Variants in SPTAN1 observed in about 807,000 individuals in gnomAD.
SPTAN1 encodes the protein spectrin alpha chain, non-erythrocytic 1.
Under a neutral mutation model 331.3 loss-of-function variants are expected in SPTAN1, and 61 were observed. That is an observed-to-expected ratio of 0.18 (90% CI 0.15 to 0.23). The LOEUF is 0.23. SPTAN1 is among the 10% of genes least tolerant of loss of function. The pLI, the probability that SPTAN1 is intolerant of heterozygous loss-of-function variation, is 1.00. For missense variants in SPTAN1, 2,043 were observed against 3,147.9 expected (o/e 0.65, Z 8.40); for synonymous variants, 1,153 against 1,173.9 (o/e 0.98, Z 0.36).
chr9:128,583,810 C>T lies in SPTAN1; in HGVS notation c.2034C>T (p.Asn678=), dbSNP rs2131150990. 2.5e-6 allele frequency: 4 copies of T among 1,614,172 alleles called. No individual in the cohort carries two copies. The highest frequency in any genetic ancestry group is 2.2e-5 in the South Asian group (2 of 91,082). Reference sequence around the variant, plus strand: ...TAGGAATAAAGCTTCGTGAAGCCAACCAGCAACAGCAATTTAATCGCAATG... The same window carrying T: ...TAGGAATAAAGCTTCGTGAAGCCAATCAGCAACAGCAATTTAATCGCAATG... ...ELKGIKLREA[N]QQQQFNRNVE... The change falls in exon 16 of 57, where the codon AAC becomes AAT. Residue 678 remains asparagine, a synonymous_variant. Coordinates refer to ENST00000372739, the MANE Select transcript of SPTAN1 (RefSeq NM_001130438.3).
At chr9:128,578,756 G>T (rs1851598788) in intron 9 of SPTAN1, among the ~76,000 whole-genome samples, 1 of 151,408 alleles carries the variant, frequency 6.6e-6, no homozygotes, top group Admixed American at 6.6e-5. Context: ...TTGAACCCGG[G>T]AGGCAGAGGT....
intron 31 of SPTAN1, among the ~76,000 whole-genome samples, chr9:128,605,772 A>G (rs894739792): frequency 6.6e-6 from 1 of 152,120 alleles, no homozygotes; most frequent in African/African-American, 2.4e-5. Context: ...CGGGCAGATC[A>G]CCTGAGGTCA....
chr9:128,568,927 G>A (rs369670645), intron 3 of SPTAN1, 30 bp downstream of exon 3: 2 of 1,613,264 alleles, frequency 1.2e-6, no homozygotes, highest in African/African-American at 2.7e-5. Flanking sequence ...GGAGTGGATG[G>A]CTTCATCTGG....
At chr9:128,581,668 C>T in intron 11 of SPTAN1, 114 bp from the exon 12 acceptor site, 1 of 818,296 alleles carries the variant, frequency 1.2e-6, no homozygotes. Flanking sequence ...AGTTTAGCAG[C>T]CATAAAATCT....
chr9:128,626,299 A>G, intron 48 of SPTAN1, 92 bp from the exon 49 acceptor site: 1 of 1,490,286 alleles, frequency 6.7e-7, no homozygotes, highest in Non-Finnish European at 9.3e-7. Flanking sequence ...TGCGCCTCTG[A>G]TTCCCAGGAA....
chr9:128,597,185 T>G (rs948298094), intron 24 of SPTAN1, among the ~76,000 whole-genome samples: 3 of 151,734 alleles, frequency 2.0e-5, no homozygotes, highest in Admixed American at 6.6e-5. Flanking sequence ...GAAAAAAAAT[T>G]TTTCTGTAGA....
intron 26 of SPTAN1, chr9:128,599,695 A>AC (rs1854820597): frequency 4.8e-6 from 1 of 210,164 alleles, no homozygotes; most frequent in Non-Finnish European, 9.6e-6. Context: ...TAAAAAAAAA[A>AC]AAAAAAAAAA....
At chr9:128,575,423 G>A in intron 5 of SPTAN1, 78 bp downstream of exon 5, 2 of 1,537,526 alleles carry the variant, frequency 1.3e-6, no homozygotes, top group Admixed American at 3.4e-5. Context: ...AAATTTTGAT[G>A]ATTGGTCCCC....
In SPTAN1 at chr9:128,594,306, G is replaced by A. The variant is rs775240859; in HGVS notation, c.3347G>A (p.Ser1116Asn). The change falls in exon 24 of 57, where the codon AGT becomes AAT. Residue 1116 changes from serine to asparagine, a missense_variant. By Grantham distance (46) the Ser-to-Asn change is conservative (BLOSUM62 1). This residue lies in a region of SPTAN1 where 1,038 missense variants were observed against 1,531.5 expected (regional missense o/e 0.68). Coordinates refer to ENST00000372739, the MANE Select transcript of SPTAN1 (RefSeq NM_001130438.3). ...AATGAGAAGGAAGCCGCTCTGACAA[G>A]TGAGGAGGTCGGAGCAGACTTGGAG... The part of the protein sequence containing the change: ...WINEKEAALT[S>N]EEVGADLEQV... 3.1e-6 allele frequency: 5 copies of A among 1,614,202 alleles called. No homozygotes were observed. The highest frequency in any genetic ancestry group is 4.2e-6 in the Non-Finnish European group (5 of 1,180,036).
chr9:128,585,736 C>A lies in SPTAN1; in HGVS notation c.2561-12C>A. Reference sequence around the variant, plus strand: ...TAGTTTTTGTTATCCTCTTTCCCTACCCATCTTCCAGGCCATTTTGCTGCA... The same window carrying A: ...TAGTTTTTGTTATCCTCTTTCCCTAACCATCTTCCAGGCCATTTTGCTGCA... On this transcript the variant is annotated splice_polypyrimidine_tract_variant and intron_variant, in intron 18 of 56. Transcript: ENST00000372739. 6.2e-7 allele frequency: 1 copy of A among 1,611,600 alleles called. No homozygotes were observed. Among genetic ancestry groups the A allele is most frequent in the Non-Finnish European group, 8.5e-7 (1 of 1,177,918 alleles).
chr9:128,583,742 A>T (rs1852227983), intron 15 of SPTAN1, 46 bp from the exon 16 acceptor site: 1 of 1,595,154 alleles, frequency 6.3e-7, no homozygotes, highest in Non-Finnish European at 8.6e-7. Context: ...TGTTGGCAGA[A>T]GGGTAATGCT....
chr9:128,600,077 T>C lies in SPTAN1; in HGVS notation c.3544-3T>C. The C allele has an allele frequency of 6.2e-7, 1 of 1,614,180 alleles. No individual in the cohort carries two copies. Among genetic ancestry groups the C allele is most frequent in the Non-Finnish European group, 8.5e-7 (1 of 1,180,018 alleles). ...CTGCCTAAATTCCTCTTTCTTTGAA[T>C]AGGATGAAACTGATTCCAAGACAGC... is the stretch of plus-strand genomic sequence containing the variant. On this transcript the variant is annotated splice_polypyrimidine_tract_variant and splice_region_variant and intron_variant, in intron 26 of 56. Transcript: ENST00000372739.
At chr9:128,562,826 G>A (rs1165103631) in intron 1 of SPTAN1, among the ~76,000 whole-genome samples, 4 of 151,702 alleles carry the variant, frequency 2.6e-5, no homozygotes, top group African/African-American at 4.8e-5. Context: ...TTAGCCGGGC[G>A]TGATGGCAGG....
rs57225212 is a variant in SPTAN1, at chr9:128,589,575, C to CTT, written c.3006+649_3006+650dup. Among the ~76,000 whole-genome samples, 166 of 106,468 alleles carry CTT rather than the reference C, an allele frequency of 1.6e-3. 1 individual carries two copies. Among genetic ancestry groups the CTT allele is most frequent in the African/African-American group, 5.8e-3 (159 of 27,356 alleles). The allele number at this position is 106,468 out of a possible 152,430, so 69.8% of individuals were successfully genotyped here. On this transcript the variant is annotated intron_variant, in intron 21 of 56. Coordinates refer to ENST00000372739, the MANE Select transcript of SPTAN1 (RefSeq NM_001130438.3). ...ACAGGCATGAGCCGCCGTGCCCGGC[C>CTT]TTTTTTTTTTTTTTTTTTGAGACAA...
chr9:128,633,381 T>C lies in SPTAN1; in HGVS notation c.*47T>C. ...CCCTCGCTGCTTGCCCTGCGTCGCC[T>C]TGCTGCATGTCCGCTCCTCTGTGTG... is the stretch of plus-strand genomic sequence containing the variant. On this transcript the variant is annotated 3_prime_UTR_variant, in exon 57 of 57. Coordinates refer to ENST00000372739, the MANE Select transcript of SPTAN1 (RefSeq NM_001130438.3). 2 of 1,612,504 alleles carry C rather than the reference T, an allele frequency of 1.2e-6. No individual in the cohort carries two copies. The highest frequency in any genetic ancestry group is 1.7e-6 in the Non-Finnish European group (2 of 1,179,950).
chr9:128,576,242 T>C (rs1331241777), intron 5 of SPTAN1, among the ~76,000 whole-genome samples: 1 of 152,112 alleles, frequency 6.6e-6, no homozygotes, highest in Non-Finnish European at 1.5e-5. Flanking sequence ...AAGGATACTT[T>C]TAAAGAAATG....
At chr9:128,610,048 G>T (rs1444078898) in intron 37 of SPTAN1, among the ~76,000 whole-genome samples, 1 of 152,160 alleles carries the variant, frequency 6.6e-6, no homozygotes, top group Non-Finnish European at 1.5e-5. Flanking sequence ...GGTGTTCGGT[G>T]GCCTGGGTTG....
intron 29 of SPTAN1, 98 bp from the exon 30 acceptor site, chr9:128,604,936 A>G: frequency 9.6e-7 from 1 of 1,045,228 alleles, no homozygotes; most frequent in Non-Finnish European, 1.3e-6. Context: ...CCATCTCAGT[A>G]AATAAATAAA....
chr9:128,571,939 C>T (rs1850774156), intron 3 of SPTAN1, among the ~76,000 whole-genome samples: 1 of 152,196 alleles, frequency 6.6e-6, no homozygotes, highest in Non-Finnish European at 1.5e-5. Context: ...TAACTGCAAC[C>T]TCCTTCCACC....
Sources: allele counts gnomAD v4.1 joint callset (sites outside exome capture counted in the v4.1 genomes callset), GRCh38; gene constraint gnomAD v4.1.1; regional missense constraint gnomAD v4.1.1; transcripts MANE v1.5; gene names NCBI Gene and HGNC (gene_info 2026-07-23, HGNC 2026-07-21).